COMMD10: variants seen among roughly 807,000 people sequenced by gnomAD.
The protein encoded by COMMD10 is COMM domain-containing protein 10.
Under a neutral mutation model 28.9 loss-of-function variants are expected in COMMD10, and 33 were observed. The observed-to-expected ratio is 1.14, with a 90% CI of 0.87 to 1.53. The LOEUF (loss-of-function observed/expected upper bound fraction) is 1.53. COMMD10 is among the 40% of genes most tolerant of loss of function. COMMD10 has a pLI of 0.00. For missense variants in COMMD10, 310 were observed against 233.4 expected, an observed-to-expected ratio of 1.33 and a Z score of -2.14; for synonymous variants, 110 against 81.7, an observed-to-expected ratio of 1.35 and a Z score of -1.87.
At chr5:116,133,986 C>G in intron 4 of COMMD10, 82 bp from the exon 5 acceptor site, 1 of 820,040 alleles carries the variant, frequency 1.2e-6, no homozygotes. Context: ...ATATACATTC[C>G]TGCTGAGTGG....
intron 5 of COMMD10, among the ~76,000 whole-genome samples, chr5:116,187,914 A>G (rs1748195355): frequency 6.6e-6 from 1 of 152,134 alleles, no homozygotes; most frequent in African/African-American, 2.4e-5. Flanking sequence ...AGAGAATAAT[A>G]AGGGACTTTA....
chr5:116,131,361 G>A (rs567574619), intron 4 of COMMD10, among the ~76,000 whole-genome samples: 3 of 151,614 alleles, frequency 2.0e-5, no homozygotes, highest in Non-Finnish European at 3.0e-5. Context: ...AGATAATATT[G>A]TATGTGTGAC....
intron 4 of COMMD10, among the ~76,000 whole-genome samples, chr5:116,120,896 T>G (rs1464165030): frequency 6.6e-6 from 1 of 152,182 alleles, no homozygotes; most frequent in Non-Finnish European, 1.5e-5. Flanking sequence ...GTGATTAACA[T>G]TTATGTATAT....
At chr5:116,085,221 G>C in intron 1 of COMMD10, 128 bp downstream of exon 1, 1 of 430,412 alleles carries the variant, frequency 2.3e-6, no homozygotes, top group Non-Finnish European at 4.5e-6. Flanking sequence ...GTGGGGTGGG[G>C]TGGGCTGCCG....
intron 5 of COMMD10, among the ~76,000 whole-genome samples, chr5:116,171,105 C>T (rs192844157): frequency 1.1e-4 from 17 of 151,606 alleles, no homozygotes; most frequent in Admixed American, 5.2e-4. Context: ...GTCTAATATC[C>T]AGAATCTACA....
chr5:116,204,740 G>A (rs982281348), intron 5 of COMMD10, among the ~76,000 whole-genome samples: 1 of 152,078 alleles, frequency 6.6e-6, no homozygotes, highest in African/African-American at 2.4e-5. Flanking sequence ...ACTCCATTTT[G>A]ATATTAATAT....
At chr5:116,146,077 A>G (rs1752339947) in intron 5 of COMMD10, among the ~76,000 whole-genome samples, 1 of 151,904 alleles carries the variant, frequency 6.6e-6, no homozygotes, top group African/African-American at 2.4e-5. Context: ...GAGTCTTGAG[A>G]TGTCTGTGGC....
chr5:116,211,000 A>C (rs1372952830), intron 5 of COMMD10, among the ~76,000 whole-genome samples: 1 of 152,064 alleles, frequency 6.6e-6, no homozygotes, highest in Non-Finnish European at 1.5e-5. Flanking sequence ...TGTGTTTAAT[A>C]TTATTTCGGT....
intron 5 of COMMD10, among the ~76,000 whole-genome samples, chr5:116,284,973 C>T (rs1282237862): frequency 6.6e-6 from 1 of 151,886 alleles, no homozygotes; most frequent in East Asian, 1.9e-4. Context: ...TGAAAATCCA[C>T]TTAATTGATG....
chr5:116,130,236 G>T (rs1561619852), intron 4 of COMMD10, among the ~76,000 whole-genome samples: 1 of 151,714 alleles, frequency 6.6e-6, no homozygotes, highest in Admixed American at 6.6e-5. Flanking sequence ...AAGTGCTCCG[G>T]GTATAGCACT....
intron 5 of COMMD10, among the ~76,000 whole-genome samples, chr5:116,173,286 A>G (rs1753397404): frequency 6.6e-6 from 1 of 152,126 alleles, no homozygotes; most frequent in African/African-American, 2.4e-5. Flanking sequence ...TAGCAGTGAT[A>G]TATCAGCGTT....
intron 5 of COMMD10, among the ~76,000 whole-genome samples, chr5:116,205,720 TGAG>T (rs1176820453): frequency 6.6e-6 from 1 of 152,102 alleles, no homozygotes; most frequent in Non-Finnish European, 1.5e-5. Context: ...AATTAAAAAA[TGAG>T]GTCAAGATGG....
chr5:116,194,963 C>A (rs960200793), intron 5 of COMMD10, among the ~76,000 whole-genome samples: 1 of 152,024 alleles, frequency 6.6e-6, no homozygotes, highest in African/African-American at 2.4e-5. Context: ...AAAGATAATC[C>A]ACTATGATCA....
At chr5:116,127,769 C>G (rs939250415) in intron 4 of COMMD10, among the ~76,000 whole-genome samples, 31 of 151,908 alleles carry the variant, frequency 2.0e-4, no homozygotes, top group African/African-American at 7.5e-4. Context: ...CACACTGGGG[C>G]CTGTCTTGTG....
At chr5:116,238,222 A>G (rs138043005) in intron 5 of COMMD10, among the ~76,000 whole-genome samples, 232 of 152,334 alleles carry the variant, frequency 1.5e-3, no homozygotes, top group African/African-American at 5.2e-3. Context: ...TGTAGCCACT[A>G]TAATAAAACT....
chr5:116,239,431 TA>T (rs982711101), intron 5 of COMMD10, among the ~76,000 whole-genome samples: 7 of 152,220 alleles, frequency 4.6e-5, no homozygotes, highest in Non-Finnish European at 8.8e-5. Context: ...TTTTAATTTT[TA>T]AAAAACTCGT....
intron 5 of COMMD10, among the ~76,000 whole-genome samples, chr5:116,243,086 A>T (rs1280537485): frequency 2.0e-5 from 3 of 152,212 alleles, no homozygotes; most frequent in African/African-American, 7.2e-5. Flanking sequence ...AGTGATTGTG[A>T]TGTCCAAGAA....
chr5:116,175,716 AC>A (rs1486201814), intron 5 of COMMD10, among the ~76,000 whole-genome samples: 5 of 152,200 alleles, frequency 3.3e-5, no homozygotes, highest in Admixed American at 1.3e-4. Flanking sequence ...ATTCTGCCAT[AC>A]GTTGCAACAT....
chr5:116,102,310 G>T (rs766042097), intron 4 of COMMD10, among the ~76,000 whole-genome samples: 17 of 152,090 alleles, frequency 1.1e-4, no homozygotes, highest in Non-Finnish European at 2.5e-4. Context: ...TATTGAAAAC[G>T]TTGTCTTTTC....
Sources: gnomAD v4.1 joint callset for allele counts (sites outside exome capture counted in the v4.1 genomes callset) on GRCh38, gnomAD v4.1.1 for gene constraint, MANE v1.5 for transcripts, NCBI Gene and HGNC (gene_info 2026-07-23, HGNC 2026-07-21) for gene names.